ADCK5: variants seen among roughly 807,000 people sequenced by gnomAD.
ADCK5 encodes uncharacterized aarF domain-containing protein kinase 5.
Under a neutral mutation model 64.9 loss-of-function variants are expected in ADCK5, and 43 were observed. The observed-to-expected ratio is 0.66, with a 90% confidence interval of 0.52 to 0.85. The LOEUF is 0.85. Ranked by LOEUF, ADCK5 falls within the 40% of genes least tolerant of loss-of-function variation. The pLI, the probability that ADCK5 is intolerant of heterozygous loss-of-function variation, is 0.00. For missense variants in ADCK5, 760 were observed against 810.5 expected, an observed-to-expected ratio of 0.94 and a Z score of 0.76; for synonymous variants, 434 against 342.8, an observed-to-expected ratio of 1.27 and a Z score of -2.94.
chr8:144,377,798 CCCAT>C (rs1301618156), intron 1 of ADCK5, among the ~76,000 whole-genome samples: 1 of 152,224 alleles, frequency 6.6e-6, no homozygotes, highest in Non-Finnish European at 1.5e-5. Context: ...GGCCACTCCT[CCCAT>C]CCGGGCGTCC....
intron 1 of ADCK5, among the ~76,000 whole-genome samples, chr8:144,374,438 C>T (rs967338631): frequency 8.5e-5 from 13 of 152,160 alleles, no homozygotes; most frequent in Non-Finnish European, 1.6e-4. Context: ...CTCTAGCGAT[C>T]CGCCCGCCTC....
intron 2 of ADCK5, among the ~76,000 whole-genome samples, chr8:144,380,117 CG>C (rs1564668298): frequency 6.6e-6 from 1 of 152,210 alleles, no homozygotes; most frequent in Non-Finnish European, 1.5e-5. Flanking sequence ...GGTGCTCAGG[CG>C]CCTGCGGCTG....
chr8:144,383,680 G>T (rs910802300), intron 3 of ADCK5, among the ~76,000 whole-genome samples: 1 of 152,200 alleles, frequency 6.6e-6, no homozygotes, highest in Non-Finnish European at 1.5e-5. Flanking sequence ...GGGCAAAATC[G>T]GGTTATTGCT....
rs1819822312 is a variant in ADCK5, at chr8:144,384,448, G to A, written c.266+1218G>A. On this transcript the variant is annotated intron_variant, in intron 3 of 14. Transcript: ENST00000308860. This position sits in a 1 kb window ranked among gnomAD's most constrained non-coding sequence, Gnocchi z 5.7. The stretch of plus-strand genomic sequence containing the variant: ...TTTCAGCCTAAAAGACAAAACAGTC[G>A]TTCCCCACGTGGGTCTCCCTGGCAT... Among the ~76,000 whole-genome samples, 1 of 152,204 alleles carries A rather than the reference G, an allele frequency of 6.6e-6. No individual in the cohort carries two copies. The highest frequency in any genetic ancestry group is 1.5e-5 in the Non-Finnish European group (1 of 68,032).
chr8:144,377,809 G>A (rs191230249), intron 1 of ADCK5, among the ~76,000 whole-genome samples: 5 of 152,306 alleles, frequency 3.3e-5, no homozygotes, highest in East Asian at 1.9e-4. Flanking sequence ...CCATCCGGGC[G>A]TCCACCTTCA....
chr8:144,381,261 T>A (rs373722721), intron 2 of ADCK5, among the ~76,000 whole-genome samples: 1 of 90,418 alleles, frequency 1.1e-5, no homozygotes, highest in Non-Finnish European at 2.2e-5. Flanking sequence ...GATTATGGGC[T>A]GGGTGTAGAA....
intron 2 of ADCK5, among the ~76,000 whole-genome samples, chr8:144,380,840 A>G (rs1291219095): frequency 3.5e-5 from 5 of 144,022 alleles, no homozygotes; most frequent in South Asian, 2.3e-4. Context: ...GGGTGTAGAA[A>G]CAGATGTGTG....
chr8:144,379,284 G>C, intron 1 of ADCK5, 103 bp from the exon 2 acceptor site: 1 of 810,544 alleles, frequency 1.2e-6, no homozygotes, highest in Non-Finnish European at 1.9e-6. Flanking sequence ...TAGGTTTAGA[G>C]TTAGGCTGCC....
rs1819360733 is a variant in ADCK5, at chr8:144,376,264, G to A, written c.12+2157G>A. The stretch of plus-strand genomic sequence containing the variant: ...GTCTCATTCGGCAGGCATTCATTGA[G>A]TGCCTGCTTGTTCAGAGATGGTTGA... On this transcript the variant is annotated intron_variant, in intron 1 of 14. Transcript: ENST00000308860. This position sits in a 1 kb window ranked among gnomAD's most constrained non-coding sequence, Gnocchi z 5.1. Among the ~76,000 whole-genome samples, 2 of 152,214 alleles carry A rather than the reference G, an allele frequency of 1.3e-5. No individual in the cohort carries two copies. Among genetic ancestry groups the A allele is most frequent in the Admixed American group, 1.3e-4 (2 of 15,280 alleles).
chr8:144,388,296 G>T (rs1820015938), intron 3 of ADCK5, among the ~76,000 whole-genome samples: 1 of 150,726 alleles, frequency 6.6e-6, no homozygotes, highest in Non-Finnish European at 1.5e-5. Flanking sequence ...GGCGGAGGTT[G>T]CAGTGAGCCT....
At chr8:144,385,461 G>A (rs1213602796) in intron 3 of ADCK5, among the ~76,000 whole-genome samples, 1 of 151,072 alleles carries the variant, frequency 6.6e-6, no homozygotes, top group Non-Finnish European at 1.5e-5. Flanking sequence ...TGGGATTACA[G>A]GTGTGAGCCA....
chr8:144,383,129 A>G lies in ADCK5; in HGVS notation c.165A>G (p.Val55=). Residue 55 remains valine (V), a synonymous_variant, in exon 3 of 15, where the codon GTA becomes GTG. Transcript: ENST00000308860. The part of the protein sequence containing the change: ...PLWRKVLSTA[V]VGAPLLLGAR... ...GGAGGAAGGTGCTCTCCACCGCGGT[A>G]GTGGGGGCGCCCCTGCTCCTCGGAG... The G allele has an allele frequency of 6.3e-7, 1 of 1,587,752 alleles. No homozygotes were observed. Among genetic ancestry groups the G allele is most frequent in the Non-Finnish European group, 8.6e-7 (1 of 1,167,320 alleles).
intron 2 of ADCK5, among the ~76,000 whole-genome samples, chr8:144,381,459 G>T (rs1441294155): frequency 7.9e-6 from 1 of 126,944 alleles, no homozygotes. Flanking sequence ...GGCACCTGCC[G>T]CACTCAGGAT....
chr8:144,393,043 C>T lies in ADCK5; in HGVS notation c.1712C>T (p.Ala571Val), dbSNP rs1315388528. ...ALVHLSLVPP[A>V]EELYQYLET ...GTCCACCTGAGCCTCGTGCCCCCAG[C>T]GGAGGAGCTCTACCAGTACCTGGAG... The change falls in exon 15 of 15, where the codon GCG (alanine) becomes GTG (valine). Residue 571 changes from alanine to valine, a missense_variant. Ala to Val is a moderately conservative substitution (Grantham distance 64, BLOSUM62 0). Coordinates refer to ENST00000308860, the MANE Select transcript of ADCK5 (RefSeq NM_174922.5). 6 of 1,586,878 alleles carry T rather than the reference C, an allele frequency of 3.8e-6. No individual in the cohort carries two copies. Among genetic ancestry groups the T allele is most frequent in the East Asian group, 2.3e-5 (1 of 43,828 alleles).
rs370166194 is a variant in ADCK5 at position 144,391,673 on chromosome 8, G to A, written c.892G>A (p.Val298Ile). 2.6e-6 allele frequency: 4 copies of A among 1,542,636 alleles called. No individual in the cohort carries two copies. Among genetic ancestry groups the A allele is most frequent in the Admixed American group, 2.0e-5 (1 of 51,164 alleles). Residue 298 changes from valine (V) to isoleucine (I), a missense_variant, in exon 8 of 15, where the codon GTC becomes ATC. Coordinates refer to ENST00000308860, the MANE Select transcript of ADCK5 (RefSeq NM_174922.5). The part of the protein sequence containing the change: ...CARELAHFPY[V>I]VVPRVHWDKS... ...GCGGGAGCTGGCGCACTTCCCCTAC[G>A]TCGTGGTGCCCCGCGTGCACTGGGA...
In ADCK5 at chr8:144,383,126, G is replaced by C. The variant is rs782541219; in HGVS notation, c.162G>C (p.Ala54=). ...TPLWRKVLST[A]VVGAPLLLGA... ...TGTGGAGGAAGGTGCTCTCCACCGC[G>C]GTAGTGGGGGCGCCCCTGCTCCTCG... Residue 54 remains alanine (A), a synonymous_variant, in exon 3 of 15, where the codon GCG becomes GCC. Coordinates refer to ENST00000308860, the MANE Select transcript of ADCK5 (RefSeq NM_174922.5). The C allele has an allele frequency of 6.3e-7, 1 of 1,587,516 alleles. No individual in the cohort carries two copies. The highest frequency in any genetic ancestry group is 1.1e-5 in the South Asian group (1 of 87,096).
At chr8:144,379,062 T>C (rs1819490307) in intron 1 of ADCK5, among the ~76,000 whole-genome samples, 1 of 151,452 alleles carries the variant, frequency 6.6e-6, no homozygotes. Context: ...GCCTCCCGAG[T>C]AGCTGGGATT....
Position 144,381,260 on chromosome 8 carries a change from C to CCGGG in ADCK5, c.116+1770_116+1771insCGGG, listed in dbSNP as rs1819618017. ...CACCTGCCGCACTCAGGATTATGGGCTGGGTGTAGAATCAGATGTGTGCTC... is the reference window on the plus strand; with the variant it reads ...CACCTGCCGCACTCAGGATTATGGGCCGGGTGGGTGTAGAATCAGATGTGTGCTC... On this transcript the variant is annotated intron_variant, in intron 2 of 14. Coordinates refer to ENST00000308860, the MANE Select transcript of ADCK5 (RefSeq NM_174922.5). 3.4e-5 allele frequency among the ~76,000 whole-genome samples: 5 copies of CCGGG among 145,862 alleles called. 1 individual carries two copies. The highest frequency in any genetic ancestry group is 1.3e-4 in the African/African-American group (5 of 38,778).
chr8:144,392,664 C>G lies in ADCK5; in HGVS notation c.1487C>G (p.Ala496Gly). ...TVRAINVALG[A>G]PVDRYFLMAK... ...CGCGCTATCAACGTGGCCCTCGGCG[C>G]CCCCGTGGACCGCTACTTCCTTATG... The change falls in exon 13 of 15, where the codon GCC becomes GGC. Residue 496 changes from alanine (A) to glycine (G), a missense_variant. Ala to Gly is a moderately conservative substitution (Grantham distance 60). Coordinates refer to ENST00000308860, the MANE Select transcript of ADCK5 (RefSeq NM_174922.5). 6.3e-7 allele frequency: 1 copy of G among 1,593,492 alleles called. No homozygotes were observed.
Sources: allele counts gnomAD v4.1 joint callset (sites outside exome capture counted in the v4.1 genomes callset), GRCh38; gene constraint gnomAD v4.1.1; non-coding constraint Gnocchi (gnomAD v3.1); transcripts MANE v1.5; gene names NCBI Gene and HGNC (gene_info 2026-07-23, HGNC 2026-07-21).